Variants in OR11A1 observed in about 807,000 individuals in gnomAD.
OR11A1 encodes the protein olfactory receptor family 11 subfamily A member 1.
For missense variants in OR11A1, 380 were observed against 378.2 expected (o/e 1.00, Z -0.04); for synonymous variants, 158 against 152.2 (o/e 1.04, Z -0.28).
intron 1 of OR11A1, among the ~76,000 whole-genome samples, chr6:29,447,765 T>C (rs11758873): frequency 9.9e-5 from 15 of 152,244 alleles, no homozygotes; most frequent in Non-Finnish European, 1.8e-4. Context: ...GTAGGATTTC[T>C]GCTAGATGAT....
chr6:29,428,815 G>C, intron 4 of OR11A1, 98 bp downstream of exon 4: 1 of 163,006 alleles, frequency 6.1e-6, no homozygotes, highest in Non-Finnish European at 1.1e-5. Flanking sequence ...CAGGAAACCA[G>C]ACCAGGCAGG....
intron 1 of OR11A1, among the ~76,000 whole-genome samples, chr6:29,447,431 A>T (rs542896971): frequency 2.0e-5 from 3 of 152,362 alleles, no homozygotes; most frequent in Admixed American, 6.5e-5. Flanking sequence ...TGGGGTTTGC[A>T]TTGACAGTTT....
rs527852864 is a variant in OR11A1 at position 29,446,022 on chromosome 6, G to A, written c.-389+10965C>T. Reference sequence around the variant, plus strand: ...AGGCTTGCTACACAAAAGATTCCAGGGTTGATCCTCTGAGAGTTGAGAAAA... The same window carrying A: ...AGGCTTGCTACACAAAAGATTCCAGAGTTGATCCTCTGAGAGTTGAGAAAA... On this transcript the variant is annotated intron_variant, in intron 1 of 4. Transcript: ENST00000377149. 6.0e-4 allele frequency among the ~76,000 whole-genome samples: 92 copies of A among 152,154 alleles called. 1 individual carries two copies. The highest frequency in any genetic ancestry group is 2.1e-3 in the African/African-American group (87 of 41,506).
At chr6:29,440,355 C>T (rs1784033209) in intron 1 of OR11A1, 1 of 1,613,792 alleles carries the variant, frequency 6.2e-7, no homozygotes, top group Admixed American at 1.7e-5. Context: ...GTGCTGCCTC[C>T]TGGCAGCCAT....
intron 1 of OR11A1, chr6:29,440,634 C>T (rs555802210): frequency 1.2e-6 from 2 of 1,613,976 alleles, no homozygotes; most frequent in Admixed American, 1.7e-5. Context: ...CCTCCTCATC[C>T]TCTGCCCCTT....
chr6:29,453,576 A>G lies in OR11A1; in HGVS notation c.-389+3411T>C, dbSNP rs1383910621. On this transcript the variant is annotated intron_variant, in intron 1 of 4. Transcript: ENST00000377149. This position sits in a 1 kb window ranked among gnomAD's most constrained non-coding sequence, Gnocchi z 4.5. ...AAAACTCATGCCTAGGGTTTATGTC[A>G]GTAAAAGTAACAAACTCAATCGTGT... Among the ~76,000 whole-genome samples, 3 of 152,204 alleles carry G rather than the reference A, an allele frequency of 2.0e-5. No homozygotes were observed. The highest frequency in any genetic ancestry group is 4.4e-5 in the Non-Finnish European group (3 of 68,006).
chr6:29,456,915 T>C (rs945362782), intron 1 of OR11A1, 72 bp downstream of exon 1: 7 of 152,222 alleles, frequency 4.6e-5, no homozygotes, highest in Non-Finnish European at 1.0e-4. Flanking sequence ...TTAGGATCTT[T>C]CTTGACATTG....
At chr6:29,428,353 G>C in intron 4 of OR11A1, 13 of 985,580 alleles carry the variant, frequency 1.3e-5, no homozygotes, top group Non-Finnish European at 1.6e-5. Flanking sequence ...TGGGAGCAGA[G>C]AAGGACCAAA....
At chr6:29,437,764 G>A (rs950677671) in intron 1 of OR11A1, among the ~76,000 whole-genome samples, 19 of 152,166 alleles carry the variant, frequency 1.2e-4, no homozygotes, top group Non-Finnish European at 5.9e-5. Context: ...TGGACAAATA[G>A]CAATCCAAAT....
chr6:29,440,800 A>G, intron 1 of OR11A1: 1 of 1,614,040 alleles, frequency 6.2e-7, no homozygotes, highest in Non-Finnish European at 8.5e-7. Flanking sequence ...ATTCGCCCTA[A>G]GGCCAGCTAC....
intron 1 of OR11A1, among the ~76,000 whole-genome samples, chr6:29,441,232 A>C (rs985274484): frequency 6.6e-6 from 1 of 152,236 alleles, no homozygotes; most frequent in African/African-American, 2.4e-5. Flanking sequence ...TAAAGTTACA[A>C]AATATTATCC....
intron 1 of OR11A1, among the ~76,000 whole-genome samples, chr6:29,444,046 A>C (rs75561942): frequency 0.019 from 2,936 of 151,984 alleles, 58 homozygotes; most frequent in East Asian, 0.088. Flanking sequence ...CTATGTCCCC[A>C]CCCAAATCTC....
At chr6:29,449,868 C>T (rs541738291) in intron 1 of OR11A1, among the ~76,000 whole-genome samples, 15 of 151,986 alleles carry the variant, frequency 9.9e-5, no homozygotes, top group African/African-American at 3.4e-4. Context: ...AACTCCTGAC[C>T]TCAGGTGATC....
intron 1 of OR11A1, among the ~76,000 whole-genome samples, chr6:29,448,485 T>A (rs1785008670): frequency 6.6e-6 from 1 of 152,200 alleles, no homozygotes; most frequent in Non-Finnish European, 1.5e-5. Flanking sequence ...TAAGGGTCAC[T>A]TGAGAAAATC....
At chr6:29,446,554 GCACC>G (rs1049751714) in intron 1 of OR11A1, among the ~76,000 whole-genome samples, 2 of 152,160 alleles carry the variant, frequency 1.3e-5, no homozygotes, top group Admixed American at 1.3e-4. Flanking sequence ...CAGGGCACTT[GCACC>G]CAAGAATGAT....
Position 29,440,068 on chromosome 6 carries a change from A to T in OR11A1, c.-388-8081T>A, listed in dbSNP as rs201974368. ...GAGTTTCTTCTTCTCGGCTTCTCCCACCTGGCCGACCTCCAGGGCTTGCTC... is the reference window on the plus strand; with the variant it reads ...GAGTTTCTTCTTCTCGGCTTCTCCCTCCTGGCCGACCTCCAGGGCTTGCTC... On this transcript the variant is annotated intron_variant, in intron 1 of 4. Transcript: ENST00000377149. 1,652 of 1,613,090 alleles carry T rather than the reference A, an allele frequency of 1.0e-3. 18 individuals carry two copies. In the South Asian group the frequency reaches 0.016, roughly 15 times the overall value.
rs551303338 is a variant in OR11A1, at chr6:29,427,529, A to G, written c.113T>C (p.Val38Ala). Residue 38 changes from valine to alanine, a missense_variant, in exon 5 of 5, where the codon GTC becomes GCC. By Grantham distance (64) the Val-to-Ala change is moderately conservative. Transcript: ENST00000377149. ...LFFIVFTAVY[V>A]FIIIGNMLII... ...CAGCATATTCCCTATGATGATGAAG[A>G]CATAGACAGCAGTGAATACAATAAA... 1.2e-6 allele frequency: 2 copies of G among 1,613,068 alleles called. No homozygotes were observed. Among genetic ancestry groups the G allele is most frequent in the East Asian group, 4.5e-5 (2 of 44,886 alleles).
At chr6:29,434,697 T>G (rs1241286644) in intron 1 of OR11A1, among the ~76,000 whole-genome samples, 1 of 152,214 alleles carries the variant, frequency 6.6e-6, no homozygotes, top group Non-Finnish European at 1.5e-5. Flanking sequence ...AAAATACATT[T>G]TATGGACTTT....
chr6:29,427,960 C>T (rs185672852), intron 4 of OR11A1, among the ~76,000 whole-genome samples: 393 of 152,228 alleles, frequency 2.6e-3, no homozygotes, highest in Middle Eastern at 0.01. Flanking sequence ...CTACCTCTTT[C>T]GCATAATCAC....
Sources: allele counts gnomAD v4.1 joint callset (sites outside exome capture counted in the v4.1 genomes callset), GRCh38; gene constraint gnomAD v4.1.1; non-coding constraint Gnocchi (gnomAD v3.1); transcripts MANE v1.5; gene names NCBI Gene and HGNC (gene_info 2026-07-23, HGNC 2026-07-21).